The following TENM1 variants were observed in gnomAD, a reference collection of about 807,000 sequenced individuals.
TENM1 encodes the protein teneurin transmembrane protein 1.
Under a neutral mutation model 174.8 loss-of-function variants are expected in TENM1, and 35 were observed. The observed-to-expected ratio is 0.20, with a 90% CI of 0.15 to 0.27. TENM1 has a LOEUF of 0.27. TENM1 is among the 10% of genes least tolerant of loss of function. The pLI, the probability that TENM1 is intolerant of heterozygous loss-of-function variation, is 1.00. For synonymous variants in TENM1, 781 were observed against 798.7 expected, an observed-to-expected ratio of 0.98 and a Z score of 0.37; for missense variants, 1,633 against 2,130.1, an observed-to-expected ratio of 0.77 and a Z score of 4.59.
intron 25 of TENM1, among the ~76,000 whole-genome samples, chrX:124,409,034 G>A (rs1345282229): frequency 9.1e-6 from 1 of 109,890 alleles, no homozygotes; most frequent in East Asian, 2.9e-4. Flanking sequence ...ATTCCATGGT[G>A]TATATGTGCC....
rs748859289 is a variant in TENM1 at position 124,408,911 on chromosome X, C to T, written c.4983-2422G>A. The stretch of plus-strand genomic sequence containing the variant: ...TTCAATTCCCACCTATGAGTGAGAA[C>T]ATGCAGTGTTTGGTTTTTTGTCCTT... On this transcript the variant is annotated intron_variant, in intron 25 of 31. Coordinates refer to ENST00000422452, the Ensembl canonical transcript of TENM1. 7.0e-5 allele frequency among the ~76,000 whole-genome samples: 7 copies of T among 99,614 alleles called. No homozygotes were observed. The South Asian group carries it at 3.1e-3, about 43-fold the overall frequency. 86.5% of individuals were successfully genotyped at this position (99,614 alleles called of 115,157 possible).
chrX:125,201,312 TA>T, the TENM1 span, among the ~76,000 whole-genome samples: 1 of 112,355 alleles, frequency 8.9e-6, no homozygotes, highest in Non-Finnish European at 1.9e-5. Flanking sequence ...AATGTGATGA[TA>T]GTTATGTATA....
At chrX:125,170,424 TA>T in the TENM1 span, among the ~76,000 whole-genome samples, 1 of 111,738 alleles carries the variant, frequency 8.9e-6, no homozygotes, top group Non-Finnish European at 1.9e-5. Flanking sequence ...TCTATATTGC[TA>T]TCTACTGCTG....
At chrX:124,512,991 C>T (rs992100355) in intron 18 of TENM1, among the ~76,000 whole-genome samples, 1 of 111,935 alleles carries the variant, frequency 8.9e-6, no homozygotes, top group Non-Finnish European at 1.9e-5. Context: ...TAACCAAAAT[C>T]ATTGCTCTAA....
the TENM1 span, among the ~76,000 whole-genome samples, chrX:125,091,885 T>C: frequency 6.8e-5 from 7 of 103,192 alleles, no homozygotes; most frequent in Non-Finnish European, 1.2e-4. Context: ...CTTGGGAGGC[T>C]GAGGCAGGAG....
intron 3 of TENM1, among the ~76,000 whole-genome samples, chrX:124,835,498 G>T (rs1182488632): frequency 9.0e-6 from 1 of 111,534 alleles, no homozygotes; most frequent in East Asian, 2.8e-4. Context: ...TATATTAGTT[G>T]ATATTTATAA....
intron 5 of TENM1, among the ~76,000 whole-genome samples, chrX:124,690,447 T>C (rs2052487484): frequency 9.2e-6 from 1 of 109,276 alleles, no homozygotes; most frequent in Non-Finnish European, 1.9e-5. Context: ...TACAAACAAA[T>C]AAAAAAATTT....
intron 3 of TENM1, among the ~76,000 whole-genome samples, chrX:124,790,689 A>T: frequency 8.9e-6 from 1 of 112,012 alleles, no homozygotes; most frequent in Middle Eastern, 4.6e-3. Context: ...GGATGAGTAA[A>T]GACAAGTTTA....
intron 20 of TENM1, among the ~76,000 whole-genome samples, chrX:124,490,968 T>A (rs1221175703): frequency 8.9e-6 from 1 of 111,855 alleles, no homozygotes; most frequent in African/African-American, 3.3e-5. Flanking sequence ...GTCAGCTAAG[T>A]CATAATTGAT....
intron 11 of TENM1, among the ~76,000 whole-genome samples, chrX:124,606,984 A>AGAAG (rs2148295480): frequency 9.1e-6 from 1 of 110,389 alleles, no homozygotes; most frequent in Non-Finnish European, 1.9e-5. Flanking sequence ...GAGGCAGAAG[A>AGAAG]GAAGGAGGAC....
chrX:124,963,024 C>A (rs367886601), intron 1 of TENM1, among the ~76,000 whole-genome samples: 1 of 111,684 alleles, frequency 9.0e-6, no homozygotes, highest in South Asian at 3.8e-4. Context: ...AGAATATGCT[C>A]CAAAATATGG....
At chrX:124,491,493 T>C (rs1045049481) in intron 20 of TENM1, among the ~76,000 whole-genome samples, 16 of 111,969 alleles carry the variant, frequency 1.4e-4, no homozygotes, top group African/African-American at 4.9e-4. Flanking sequence ...AGAGGTTTAA[T>C]TGTATGATCT....
chrX:124,654,385 G>A (rs760168128), intron 6 of TENM1, among the ~76,000 whole-genome samples: 4 of 112,089 alleles, frequency 3.6e-5, no homozygotes, highest in Non-Finnish European at 5.6e-5. Flanking sequence ...TTTATTCGTC[G>A]GTATATTCCC....
intron 4 of TENM1, among the ~76,000 whole-genome samples, chrX:124,730,349 C>T (rs1008369822): frequency 1.1e-4 from 12 of 111,699 alleles, no homozygotes; most frequent in African/African-American, 3.6e-4. Flanking sequence ...CTAATATTTA[C>T]GGAGTGCTCA....
the TENM1 span, among the ~76,000 whole-genome samples, chrX:125,077,867 T>C: frequency 3.8e-4 from 43 of 112,132 alleles, no homozygotes; most frequent in African/African-American, 1.3e-3. Flanking sequence ...GATCATTTTC[T>C]TTCTGTTCTG....
chrX:124,778,699 G>C (rs2054839529), intron 3 of TENM1, among the ~76,000 whole-genome samples: 1 of 111,667 alleles, frequency 9.0e-6, no homozygotes, highest in African/African-American at 3.3e-5. Context: ...ATCACCTCAA[G>C]GAAGATTATT....
chrX:125,032,172 C>CT, the TENM1 span, among the ~76,000 whole-genome samples: 2 of 106,378 alleles, frequency 1.9e-5, no homozygotes, highest in African/African-American at 7.3e-5. Flanking sequence ...CTTTTTAAAT[C>CT]ATTTTTTTTT....
intron 6 of TENM1, among the ~76,000 whole-genome samples, 183 bp from the exon 10 acceptor site, chrX:124,653,966 C>A (rs2051375113): frequency 8.9e-6 from 1 of 112,017 alleles, no homozygotes; most frequent in African/African-American, 3.2e-5. Flanking sequence ...TCCCCAACCA[C>A]CCACTATGTC....
chrX:125,049,538 TG>T, the TENM1 span, among the ~76,000 whole-genome samples: 1 of 112,196 alleles, frequency 8.9e-6, no homozygotes. Context: ...GATTTTCAAT[TG>T]GGTATATACC....
Sources: gnomAD v4.1 joint callset for allele counts (sites outside exome capture counted in the v4.1 genomes callset) on GRCh38, gnomAD v4.1.1 for gene constraint, MANE v1.5 for transcripts, NCBI Gene and HGNC (gene_info 2026-07-23, HGNC 2026-07-21) for gene names.